GALNT13: variants seen among roughly 807,000 people sequenced by gnomAD.
GALNT13 encodes UDP-GalNAc:polypeptide N-acetylgalactosaminyltransferase 13.
Under a neutral mutation model 64.2 loss-of-function variants are expected in GALNT13, and 28 were observed. The observed-to-expected ratio is 0.44, with a 90% CI of 0.32 to 0.60. The LOEUF (loss-of-function observed/expected upper bound fraction) is 0.60. Ranked by LOEUF, GALNT13 falls within the 20% of genes least tolerant of loss-of-function variation. The pLI is 0.05. For synonymous variants in GALNT13, 214 were observed against 224.6 expected, an observed-to-expected ratio of 0.95 and a Z score of 0.42; for missense variants, 577 against 669.8, an observed-to-expected ratio of 0.86 and a Z score of 1.53.
the GALNT13 span, among the ~76,000 whole-genome samples, chr2:153,714,713 C>G: frequency 6.6e-6 from 1 of 152,122 alleles, no homozygotes; most frequent in African/African-American, 2.4e-5. Flanking sequence ...TGAAGCAAGG[C>G]AAAATGGAAA....
At chr2:153,480,155 T>C in the GALNT13 span, among the ~76,000 whole-genome samples, 1 of 152,160 alleles carries the variant, frequency 6.6e-6, no homozygotes, top group Non-Finnish European at 1.5e-5. Context: ...AGTTGTCAAT[T>C]AAAAATAAAA....
At chr2:153,520,126 A>G in the GALNT13 span, among the ~76,000 whole-genome samples, 12 of 152,212 alleles carry the variant, frequency 7.9e-5, no homozygotes, top group African/African-American at 2.9e-4. Flanking sequence ...TAGAAAAAAA[A>G]TTTACTCATT....
chr2:153,076,898 T>G, the GALNT13 span, among the ~76,000 whole-genome samples: 2 of 151,894 alleles, frequency 1.3e-5, no homozygotes, highest in Non-Finnish European at 2.9e-5. Context: ...CTATTCTGAC[T>G]AATCTTGCGT....
chr2:154,052,500 A>AT lies in GALNT13; in HGVS notation c.143-87829dup, dbSNP rs529029892. On this transcript the variant is annotated intron_variant, in intron 3 of 12. Transcript: ENST00000392825. ...CTTAGAATTTTGTGTTTCTTTTACT[A>AT]TTTTTTTTCATTTTTCATTGAATCA... is the stretch of plus-strand genomic sequence containing the variant. Among the ~76,000 whole-genome samples, 17 of 151,144 alleles carry AT rather than the reference A, an allele frequency of 1.1e-4. 1 individual carries two copies. The highest frequency in any genetic ancestry group is 4.2e-4 in the South Asian group (2 of 4,774).
the GALNT13 span, among the ~76,000 whole-genome samples, chr2:153,308,545 A>C: frequency 3.3e-5 from 5 of 152,326 alleles, no homozygotes; most frequent in East Asian, 9.6e-4. Context: ...TGTGATTAAT[A>C]ATGTAAGTCA....
At chr2:153,730,111 GA>G in the GALNT13 span, among the ~76,000 whole-genome samples, 19 of 150,452 alleles carry the variant, frequency 1.3e-4, no homozygotes, top group Admixed American at 4.0e-4. Context: ...TATGGAACCA[GA>G]AAAAAAAAGT....
At chr2:153,233,768 G>C in the GALNT13 span, among the ~76,000 whole-genome samples, 3 of 152,148 alleles carry the variant, frequency 2.0e-5, no homozygotes, top group African/African-American at 7.2e-5. Flanking sequence ...TGGCAGAAAT[G>C]AATCATCACC....
intron 9 of GALNT13, among the ~76,000 whole-genome samples, chr2:154,328,894 C>A (rs1430504013): frequency 6.6e-6 from 1 of 152,112 alleles, no homozygotes; most frequent in Non-Finnish European, 1.5e-5. Flanking sequence ...TGCTTCTGTG[C>A]AGCCATCTTG....
chr2:153,485,767 G>A, the GALNT13 span, among the ~76,000 whole-genome samples: 1 of 152,030 alleles, frequency 6.6e-6, no homozygotes, highest in African/African-American at 2.4e-5. Flanking sequence ...GGGCATGGTG[G>A]TGCATGCCTA....
At chr2:154,124,350 T>C (rs1200952890) in intron 3 of GALNT13, among the ~76,000 whole-genome samples, 1 of 152,062 alleles carries the variant, frequency 6.6e-6, no homozygotes, top group Admixed American at 6.5e-5. Context: ...TTGAATCGAG[T>C]ATATTTCCTA....
At chr2:154,200,635 T>C (rs1309844318) in intron 4 of GALNT13, among the ~76,000 whole-genome samples, 1 of 152,166 alleles carries the variant, frequency 6.6e-6, no homozygotes, top group Non-Finnish European at 1.5e-5. Context: ...TGTCCTCACA[T>C]GGCAGAAGGT....
the GALNT13 span, among the ~76,000 whole-genome samples, chr2:153,451,938 C>T: frequency 6.6e-6 from 1 of 152,116 alleles, no homozygotes; most frequent in Non-Finnish European, 1.5e-5. Context: ...TTTTGGAAGC[C>T]TTGGCTTCCT....
the GALNT13 span, among the ~76,000 whole-genome samples, chr2:153,082,735 T>TATATATATTATTTATTGAATCAATAAA: frequency 4.3e-5 from 6 of 139,096 alleles, no homozygotes; most frequent in African/African-American, 1.6e-4. Context: ...GGCTGGTTTA[T>TATATATATTATTTATTGAATCAATAAA]ATATATATTA....
At chr2:153,270,530 T>G in the GALNT13 span, among the ~76,000 whole-genome samples, 1 of 152,296 alleles carries the variant, frequency 6.6e-6, no homozygotes, top group African/African-American at 2.4e-5. Context: ...TCAAAGCTTC[T>G]TTTGCTTTGG....
chr2:153,360,548 A>T, the GALNT13 span, among the ~76,000 whole-genome samples: 1 of 152,168 alleles, frequency 6.6e-6, no homozygotes, highest in African/African-American at 2.4e-5. Context: ...GGGAGGCTGG[A>T]CAGCTTGATC....
intron 3 of GALNT13, among the ~76,000 whole-genome samples, chr2:154,128,038 C>A (rs1248418113): frequency 6.6e-6 from 1 of 151,820 alleles, no homozygotes; most frequent in Non-Finnish European, 1.5e-5. Flanking sequence ...ATGCCCTTGA[C>A]CTTATGATGT....
At chr2:154,406,273 C>G (rs538364983) in intron 10 of GALNT13, among the ~76,000 whole-genome samples, 1 of 152,222 alleles carries the variant, frequency 6.6e-6, no homozygotes, top group Non-Finnish European at 1.5e-5. Flanking sequence ...CTGTTAATCA[C>G]CATCATCTCT....
intron 3 of GALNT13, among the ~76,000 whole-genome samples, chr2:154,019,569 C>T (rs1697273387): frequency 6.7e-6 from 1 of 149,772 alleles, no homozygotes; most frequent in Non-Finnish European, 1.5e-5. Context: ...AAGACTGCGC[C>T]ACTGCACTCC....
the GALNT13 span, among the ~76,000 whole-genome samples, chr2:153,763,922 A>C: frequency 1.3e-5 from 2 of 151,886 alleles, no homozygotes; most frequent in Non-Finnish European, 2.9e-5. Flanking sequence ...GAACAGAGGA[A>C]GATATGTGAA....
Sources: allele counts gnomAD v4.1 joint callset (sites outside exome capture counted in the v4.1 genomes callset), GRCh38; gene constraint gnomAD v4.1.1; transcripts MANE v1.5; gene names NCBI Gene and HGNC (gene_info 2026-07-23, HGNC 2026-07-21).